The following FMR1 variants were observed in gnomAD, a reference collection of about 807,000 sequenced individuals.
The protein encoded by FMR1 is fragile X messenger ribonucleoprotein 1.
A neutral mutation model predicts 50.6 loss-of-function variants in FMR1; 13 were observed. That is an observed-to-expected ratio of 0.26 (90% CI 0.17 to 0.41). FMR1 has a LOEUF of 0.41. Among genes scored for constraint, FMR1 ranks in the 10% least tolerant of loss-of-function variants. FMR1 has a pLI of 1.00. For missense variants in FMR1, 316 were observed against 491.3 expected (o/e 0.64, Z 3.37); for synonymous variants, 138 against 164.1 (o/e 0.84, Z 1.22).
intron 1 of FMR1, among the ~76,000 whole-genome samples, chrX:147,914,896 A>G (rs1409846768): frequency 8.9e-6 from 1 of 112,293 alleles, no homozygotes; most frequent in Non-Finnish European, 1.9e-5. Context: ...TGATGTGTTG[A>G]GAATGGTAAT....
intron 3 of FMR1, among the ~76,000 whole-genome samples, chrX:147,926,591 G>A (rs782188241): frequency 4.5e-5 from 5 of 110,645 alleles, no homozygotes; most frequent in African/African-American, 9.9e-5. Flanking sequence ...GGGTTCTAGC[G>A]ATTCTTCTGC....
At chrX:147,945,144 A>G (rs2124572669) in intron 15 of FMR1, 93 bp downstream of exon 15, 1 of 1,127,447 alleles carries the variant, frequency 8.9e-7, no homozygotes. Context: ...ACTGTTACCA[A>G]GATCCCATCT....
At chrX:147,924,031 G>A (rs2043289922) in intron 2 of FMR1, among the ~76,000 whole-genome samples, 1 of 111,378 alleles carries the variant, frequency 9.0e-6, no homozygotes, top group South Asian at 3.7e-4. Flanking sequence ...AAAGCATAAA[G>A]GTGTTTTCAT....
intron 1 of FMR1, among the ~76,000 whole-genome samples, chrX:147,918,410 A>T (rs781810929): frequency 7.2e-5 from 8 of 111,188 alleles, no homozygotes; most frequent in Non-Finnish European, 1.5e-4. Flanking sequence ...ATTTTGAAAA[A>T]GTCATGCAAA....
At chrX:147,924,675 T>G (rs2043324385) in intron 2 of FMR1, among the ~76,000 whole-genome samples, 1 of 90,417 alleles carries the variant, frequency 1.1e-5, no homozygotes, top group African/African-American at 4.4e-5. Context: ...CTGCACCTAA[T>G]TTTTTTTTTT....
intron 5 of FMR1, 110 bp from the exon 6 acceptor site, chrX:147,929,838 A>C: frequency 5.6e-6 from 3 of 539,330 alleles, no homozygotes; most frequent in Non-Finnish European, 9.4e-6. Context: ...TATTTTGCAT[A>C]AATCAAATTT....
chrX:147,924,325 A>C lies in FMR1; in HGVS notation c.105-1215A>C, dbSNP rs1228712414. 2.7e-5 allele frequency among the ~76,000 whole-genome samples: 3 copies of C among 110,256 alleles called. No individual in the cohort carries two copies. The East Asian group carries it at 8.5e-4, about 31-fold the overall frequency. On this transcript the variant is annotated intron_variant, in intron 2 of 16. Coordinates refer to ENST00000370475, the MANE Select transcript of FMR1 (RefSeq NM_002024.6). ...TTTCTCAATAGAATTTTACTAAGAAAGCTCTTTAGTAAAACATCGACATTA... is the reference window on the plus strand; with the variant it reads ...TTTCTCAATAGAATTTTACTAAGAACGCTCTTTAGTAAAACATCGACATTA...
intron 15 of FMR1, 68 bp downstream of exon 15, chrX:147,945,119 C>G: frequency 8.6e-7 from 1 of 1,159,339 alleles, no homozygotes. Context: ...ATGAGAAATC[C>G]TATTGATGCA....
Position 147,950,842 on chromosome X carries a change from C to A in FMR1, c.*1998C>A. ...CCAAATGGTACAAAACCACAGTGTACCATTAAAATATGCACTAAGTCTCTT... is the reference window on the plus strand; with the variant it reads ...CCAAATGGTACAAAACCACAGTGTAACATTAAAATATGCACTAAGTCTCTT... On this transcript the variant is annotated 3_prime_UTR_variant, in exon 17 of 17. Transcript: ENST00000370475. 3.2e-6 allele frequency: 1 copy of A among 309,937 alleles called. No homozygotes were observed. Among genetic ancestry groups the A allele is most frequent in the Non-Finnish European group, 6.2e-6 (1 of 162,340 alleles). The allele number at this position is 309,937 out of a possible 1,213,427, so 25.5% of individuals were successfully genotyped here.
rs782031356 is a variant in FMR1 at position 147,948,750 on chromosome X, G to A, written c.1805G>A (p.Gly602Asp). Residue 602 changes from glycine to aspartate, a missense_variant, in exon 17 of 17, where the codon GGT becomes GAT. Coordinates refer to ENST00000370475, the MANE Select transcript of FMR1 (RefSeq NM_002024.6). The part of the protein sequence containing the change: ...TKTLQNTSSE[G>D]SRLRTGKDRN... Reference sequence around the variant, plus strand: ...ACATTACAGAATACCTCCAGTGAAGGTAGTCGGCTGCGCACGGGTAAAGAT... The same window carrying A: ...ACATTACAGAATACCTCCAGTGAAGATAGTCGGCTGCGCACGGGTAAAGAT... 1 of 1,209,785 alleles carries A rather than the reference G, an allele frequency of 8.3e-7. No individual in the cohort carries two copies. Among genetic ancestry groups the A allele is most frequent in the Non-Finnish European group, 1.1e-6 (1 of 894,984 alleles).
intron 1 of FMR1, among the ~76,000 whole-genome samples, chrX:147,915,678 T>C (rs2042819931): frequency 8.9e-6 from 1 of 111,935 alleles, no homozygotes; most frequent in East Asian, 2.8e-4. Flanking sequence ...GGAATGTGCT[T>C]CCTGAGAAGA....
chrX:147,936,688 C>G, intron 10 of FMR1, 75 bp downstream of exon 10: 1 of 588,274 alleles, frequency 1.7e-6, no homozygotes, highest in South Asian at 2.4e-5. Flanking sequence ...TTGAGGACCT[C>G]TAATATGTGC....
rs3999731 is a variant in FMR1 at position 147,924,467 on chromosome X, T to TTGTG, written c.105-1043_105-1040dup. Among the ~76,000 whole-genome samples the TTGTG allele has an allele frequency of 2.3e-3, 210 of 91,075 alleles. 1 individual carries two copies. Among genetic ancestry groups the TTGTG allele is most frequent in the Middle Eastern group, 5.5e-3 (1 of 183 alleles). 79.1% of individuals were successfully genotyped at this position (91,075 alleles called of 115,157 possible). ...CAAAGTTTGTCTTTCAGTATTTTAT[T>TTGTG]TGTGTGTGTGTGTGTGTGTGTGTGT... On this transcript the variant is annotated intron_variant, in intron 2 of 16. Transcript: ENST00000370475.
rs782421098 is a variant in FMR1 at position 147,933,528 on chromosome X, C to G, written c.880+765C>G. The G allele has an allele frequency of 9.9e-6, 9 of 911,172 alleles. No homozygotes were observed. The South Asian group carries it at 3.8e-4, about 38-fold the overall frequency. The allele number at this position is 911,172 out of a possible 1,213,427, so 75.1% of individuals were successfully genotyped here. ...CATTTTGACTTGAGTAGTGTTTTATCACCATCACCATCGTGAGTATCAGCA... is the reference window on the plus strand; with the variant it reads ...CATTTTGACTTGAGTAGTGTTTTATGACCATCACCATCGTGAGTATCAGCA... On this transcript the variant is annotated intron_variant, in intron 9 of 16. Coordinates refer to ENST00000370475, the MANE Select transcript of FMR1 (RefSeq NM_002024.6).
intron 3 of FMR1, among the ~76,000 whole-genome samples, chrX:147,926,874 C>G (rs1329881815): frequency 9.0e-6 from 1 of 110,574 alleles, no homozygotes; most frequent in Non-Finnish European, 1.9e-5. Flanking sequence ...AAATCACATT[C>G]CAGTAAGGAT....
intron 7 of FMR1, among the ~76,000 whole-genome samples, chrX:147,931,384 A>G (rs1557178661): frequency 1.8e-5 from 2 of 112,013 alleles, no homozygotes. Flanking sequence ...AAAGTCCTAG[A>G]ATTATTTTAT....
chrX:147,943,479 A>G (rs1003413301), intron 14 of FMR1, 153 bp downstream of exon 14: 5 of 507,581 alleles, frequency 9.9e-6, no homozygotes, highest in Non-Finnish European at 1.7e-5. Flanking sequence ...GACATAGAGT[A>G]AAAACCTGAT....
At chrX:147,931,920 A>G (rs782085385) in intron 7 of FMR1, among the ~76,000 whole-genome samples, 8 of 112,103 alleles carry the variant, frequency 7.1e-5, no homozygotes, top group Non-Finnish European at 1.1e-4. Flanking sequence ...GAATGTTTAG[A>G]CCACAGTACC....
chrX:147,921,902 A>C, intron 1 of FMR1, 31 bp from the exon 2 acceptor site: 8 of 1,008,150 alleles, frequency 7.9e-6, no homozygotes, highest in Non-Finnish European at 1.1e-5. Context: ...CTTTAAGCTC[A>C]CAAGTTAATT....
Sources: allele counts gnomAD v4.1 joint callset (sites outside exome capture counted in the v4.1 genomes callset), GRCh38; gene constraint gnomAD v4.1.1; transcripts MANE v1.5; gene names NCBI Gene and HGNC (gene_info 2026-07-23, HGNC 2026-07-21).